Variants in NREP observed in about 807,000 individuals in gnomAD.
The protein encoded by NREP is neuronal regeneration-related protein.
In NREP, 5 loss-of-function variants were observed where a neutral mutation model predicts 8.6. That is an observed-to-expected ratio of 0.58 (90% confidence interval 0.30 to 1.22). The LOEUF (loss-of-function observed/expected upper bound fraction) is 1.22. NREP is among the 50% of genes most tolerant of loss of function. The pLI, the probability that NREP is intolerant of heterozygous loss-of-function variation, is 0.07. For missense variants in NREP, 86 were observed against 82.5 expected (o/e 1.04, Z -0.17); for synonymous variants, 27 against 28.0 (o/e 0.96, Z 0.11).
At chr5:111,929,972 C>A (rs993531904) in intron 2 of NREP, among the ~76,000 whole-genome samples, 1 of 152,122 alleles carries the variant, frequency 6.6e-6, no homozygotes, top group African/African-American at 2.4e-5. Context: ...TGTCTGCAGG[C>A]AATTGTCCAG....
chr5:111,867,009 G>C (rs1411326373), intron 2 of NREP, among the ~76,000 whole-genome samples: 2 of 151,410 alleles, frequency 1.3e-5, no homozygotes, highest in Non-Finnish European at 3.0e-5. Context: ...GTGGGGGGAA[G>C]GGGGAGGGAT....
chr5:111,872,792 A>G (rs994799130), intron 2 of NREP, among the ~76,000 whole-genome samples: 1 of 152,160 alleles, frequency 6.6e-6, no homozygotes, highest in African/African-American at 2.4e-5. Context: ...ACTTGCTTTC[A>G]CTTGTATCTT....
intron 2 of NREP, among the ~76,000 whole-genome samples, chr5:111,970,825 C>CAA (rs33962098): frequency 0.27 from 14,153 of 53,324 alleles, 1,568 homozygotes; most frequent in East Asian, 0.39. Flanking sequence ...GACTCCATCT[C>CAA]AAAAAAAAAA....
intron 2 of NREP, among the ~76,000 whole-genome samples, chr5:111,857,315 A>G (rs930555039): frequency 6.6e-6 from 1 of 152,190 alleles, no homozygotes; most frequent in Non-Finnish European, 1.5e-5. Flanking sequence ...TACGGGCTTT[A>G]CTGTGAGCAC....
chr5:111,876,872 A>C (rs1753922421), intron 2 of NREP, among the ~76,000 whole-genome samples: 1 of 152,206 alleles, frequency 6.6e-6, no homozygotes, highest in African/African-American at 2.4e-5. Context: ...TAAATGAAGA[A>C]ATTGGGGCAC....
chr5:111,953,667 G>C (rs1756228965), intron 2 of NREP, among the ~76,000 whole-genome samples: 1 of 152,064 alleles, frequency 6.6e-6, no homozygotes, highest in Non-Finnish European at 1.5e-5. Context: ...TGGAAAGAAC[G>C]AGGATAGGAA....
chr5:111,890,166 G>A (rs1754360328), intron 2 of NREP, among the ~76,000 whole-genome samples: 1 of 152,156 alleles, frequency 6.6e-6, no homozygotes, highest in Non-Finnish European at 1.5e-5. Flanking sequence ...AAAGTAAGGG[G>A]CTACAGGCCT....
Position 111,906,228 on chromosome 5 carries a change from C to A in NREP, c.135+69046G>T, listed in dbSNP as rs556699561. ...ACATCTAGAGTTTTTTAATTGGTATCTCTATAGAGGCAGGAATTTTGCAAT... is the reference window on the plus strand; with the variant it reads ...ACATCTAGAGTTTTTTAATTGGTATATCTATAGAGGCAGGAATTTTGCAAT... On this transcript the variant is annotated intron_variant, in intron 2 of 3. Coordinates refer to the NREP transcript ENST00000395634. 4.6e-5 allele frequency among the ~76,000 whole-genome samples: 7 copies of A among 152,034 alleles called. No homozygotes were observed. In the South Asian group the frequency reaches 1.5e-3, roughly 32 times the overall value.
chr5:111,878,036 A>G (rs1215347009), intron 2 of NREP, among the ~76,000 whole-genome samples: 1 of 152,216 alleles, frequency 6.6e-6, no homozygotes, highest in Non-Finnish European at 1.5e-5. Context: ...GGTTAGAGAT[A>G]TGGAACTGGA....
chr5:111,865,715 G>A (rs1166951135), intron 2 of NREP, among the ~76,000 whole-genome samples: 3 of 152,102 alleles, frequency 2.0e-5, no homozygotes, highest in African/African-American at 7.2e-5. Flanking sequence ...GATCCCAGTT[G>A]ATATGGGTAA....
intron 2 of NREP, among the ~76,000 whole-genome samples, chr5:111,876,715 T>G (rs1436211553): frequency 6.6e-6 from 1 of 152,252 alleles, no homozygotes; most frequent in Non-Finnish European, 1.5e-5. Flanking sequence ...TGCATATCCA[T>G]AACATTAATC....
At chr5:111,771,426 TACACACACACACACACACACACACAC>T (rs111799670) in intron 2 of NREP, among the ~76,000 whole-genome samples, 4 of 147,200 alleles carry the variant, frequency 2.7e-5, no homozygotes, top group East Asian at 4.0e-4. Context: ...CATAGTCTTT[TACACACACACACACACACACACACAC>T]ACACACACAC....
intron 2 of NREP, among the ~76,000 whole-genome samples, chr5:111,740,826 A>C (rs1749584028): frequency 6.6e-6 from 1 of 152,192 alleles, no homozygotes; most frequent in Admixed American, 6.6e-5. Context: ...TTGCAGGTAA[A>C]ATTTGAATCA....
At chr5:111,812,131 A>C (rs1206512078) in intron 2 of NREP, among the ~76,000 whole-genome samples, 2 of 152,138 alleles carry the variant, frequency 1.3e-5, no homozygotes, top group African/African-American at 4.8e-5. Context: ...CTAAAAAAAT[A>C]CAAAAATTAT....
intron 2 of NREP, among the ~76,000 whole-genome samples, chr5:111,792,911 T>C (rs1404578753): frequency 6.6e-6 from 1 of 152,228 alleles, no homozygotes; most frequent in Non-Finnish European, 1.5e-5. Flanking sequence ...TTTTTTCTGA[T>C]GACGTTTCTT....
intron 2 of NREP, among the ~76,000 whole-genome samples, chr5:111,796,020 T>C (rs934846118): frequency 6.6e-6 from 1 of 152,198 alleles, no homozygotes; most frequent in Non-Finnish European, 1.5e-5. Flanking sequence ...CCATACAAAT[T>C]TGTATCTTAC....
chr5:111,777,922 T>C (rs1212077587), intron 2 of NREP, among the ~76,000 whole-genome samples: 1 of 152,086 alleles, frequency 6.6e-6, no homozygotes, highest in African/African-American at 2.4e-5. Context: ...AGGTTGCTGA[T>C]TGAGATAAAT....
intron 2 of NREP, among the ~76,000 whole-genome samples, chr5:111,796,011 C>G (rs978950701): frequency 4.6e-5 from 7 of 152,128 alleles, no homozygotes; most frequent in Non-Finnish European, 7.4e-5. Context: ...AACTTAAAAC[C>G]ATACAAATTT....
intron 2 of NREP, among the ~76,000 whole-genome samples, chr5:111,791,373 C>T (rs1356394887): frequency 6.6e-6 from 1 of 152,146 alleles, no homozygotes; most frequent in Non-Finnish European, 1.5e-5. Flanking sequence ...TCCTCACCAC[C>T]ATCTTCCCCC....
Sources: gnomAD v4.1 joint callset for allele counts (sites outside exome capture counted in the v4.1 genomes callset) on GRCh38, gnomAD v4.1.1 for gene constraint, MANE v1.5 for transcripts, NCBI Gene and HGNC (gene_info 2026-07-23, HGNC 2026-07-21) for gene names.